Variants in NCBP3 observed in about 807,000 individuals in gnomAD.
NCBP3 encodes the protein nuclear cap binding subunit 3.
NCBP3 carries 20 observed loss-of-function variants against 75.7 expected under a neutral mutation model. That is an observed-to-expected ratio of 0.26 (90% CI 0.19 to 0.38). The LOEUF is 0.38. Ranked by LOEUF, NCBP3 falls within the 10% of genes least tolerant of loss-of-function variation. The pLI is 1.00. For missense variants in NCBP3, 678 were observed against 796.9 expected (o/e 0.85, Z 1.80); for synonymous variants, 293 against 290.5 (o/e 1.01, Z -0.09).
rs1459558063 is a variant in NCBP3 at position 3,830,998 on chromosome 17, G to A, written c.356-1630C>T. Among the ~76,000 whole-genome samples the A allele has an allele frequency of 3.3e-5, 5 of 149,498 alleles. No homozygotes were observed. The Admixed American group carries it at 3.4e-4, about 10-fold the overall frequency. On this transcript the variant is annotated intron_variant, in intron 3 of 12. Coordinates refer to ENST00000389005, the MANE Select transcript of NCBP3 (RefSeq NM_001114118.3). ...GCAATCTCGGCTCACTGCAACCTCT[G>A]CCTCCCAGGTTCAAGCTATTCTCCC... is the stretch of plus-strand genomic sequence containing the variant.
intron 12 of NCBP3, among the ~76,000 whole-genome samples, chr17:3,813,499 G>A (rs956366700): frequency 4.6e-5 from 7 of 152,252 alleles, no homozygotes; most frequent in African/African-American, 1.4e-4. Context: ...GATTCTCACC[G>A]TGGGGGGACA....
At chr17:3,813,309 G>A (rs767136058) in intron 12 of NCBP3, 30 bp from the exon 13 acceptor site, 15 of 1,610,848 alleles carry the variant, frequency 9.3e-6, no homozygotes, top group East Asian at 6.7e-5. Context: ...TTTCACTTTC[G>A]CAGTCAGCGC....
chr17:3,827,920 GT>G (rs1036031638), intron 4 of NCBP3, among the ~76,000 whole-genome samples: 25 of 151,984 alleles, frequency 1.6e-4, no homozygotes, highest in African/African-American at 5.6e-4. Context: ...TTTTGTTTTT[GT>G]TTTTTCTTTC....
Position 3,805,354 on chromosome 17 carries a change from T to G in NCBP3, c.*7690A>C, listed in dbSNP as rs2053325631. On this transcript the variant is annotated 3_prime_UTR_variant, in exon 13 of 13. Coordinates refer to ENST00000389005, the MANE Select transcript of NCBP3 (RefSeq NM_001114118.3). ...TGACCAGGTGCTGTGGACTGAACTG[T>G]AAATGTCCTCCAAATTCATATGTTG... 1 of 152,232 alleles carries G rather than the reference T, an allele frequency of 6.6e-6. No homozygotes were observed. The highest frequency in any genetic ancestry group is 1.5e-5 in the Non-Finnish European group (1 of 68,052). The allele number at this position is 152,232 out of a possible 1,614,324, so 9.4% of individuals were successfully genotyped here.
At chr17:3,837,994 T>TAAAA (rs1567594876) in intron 3 of NCBP3, among the ~76,000 whole-genome samples, 1 of 150,608 alleles carries the variant, frequency 6.6e-6, no homozygotes, top group African/African-American at 2.5e-5. Context: ...AAAAAAAAAT[T>TAAAA]TTTTTAAATT....
intron 7 of NCBP3, chr17:3,822,822 C>T (rs146180306): frequency 6.6e-6 from 1 of 152,208 alleles, no homozygotes. Flanking sequence ...AACCCCCGAA[C>T]CCCTCAAACC....
Position 3,826,778 on chromosome 17 carries a change from C to T in NCBP3, c.482-563G>A, listed in dbSNP as rs189600781. On this transcript the variant is annotated intron_variant, in intron 4 of 12. Coordinates refer to ENST00000389005, the MANE Select transcript of NCBP3 (RefSeq NM_001114118.3). Reference sequence around the variant, plus strand: ...GAGAGAGAGAAAGCACTTTGGGAGGCCGAGCCAGGCGGATCACGAGGTCAG... The same window carrying T: ...GAGAGAGAGAAAGCACTTTGGGAGGTCGAGCCAGGCGGATCACGAGGTCAG... Among the ~76,000 whole-genome samples, 118 of 151,362 alleles carry T rather than the reference C, an allele frequency of 7.8e-4. 1 individual carries two copies. Among genetic ancestry groups the T allele is most frequent in the Non-Finnish European group, 1.2e-3 (83 of 67,894 alleles).
Position 3,825,748 on chromosome 17 carries a change from T to C in NCBP3, c.687+19A>G. The stretch of plus-strand genomic sequence containing the variant: ...ATTTTTTACAATAACTTTACATCTA[T>C]CTTTCCCCTATTACTAACCTCTACA... On this transcript the variant is annotated intron_variant, in intron 6 of 12. Coordinates refer to ENST00000389005, the MANE Select transcript of NCBP3 (RefSeq NM_001114118.3). 6.6e-7 allele frequency: 1 copy of C among 1,519,342 alleles called. No individual in the cohort carries two copies. Among genetic ancestry groups the C allele is most frequent in the Non-Finnish European group, 8.9e-7 (1 of 1,119,756 alleles). 94.1% of individuals were successfully genotyped at this position (1,519,342 alleles called of 1,614,324 possible).
At chr17:3,825,101 T>C in intron 6 of NCBP3, 51 bp from the exon 7 acceptor site, 1 of 1,027,376 alleles carries the variant, frequency 9.7e-7, no homozygotes, top group Admixed American at 2.5e-5. Context: ...CTTTTGATAT[T>C]TCTTCAGTAG....
rs1491123193 is a variant in NCBP3 at position 3,806,719 on chromosome 17, A to AAG, written c.*6324_*6325insCT. On this transcript the variant is annotated 3_prime_UTR_variant, in exon 13 of 13. Coordinates refer to ENST00000389005, the MANE Select transcript of NCBP3 (RefSeq NM_001114118.3). The stretch of plus-strand genomic sequence containing the variant: ...GTGAAATGTTCATAGAGCTTCATTG[A>AAG]AAAAAAAAAAAAAAAAAAAGCTACA... 2 of 97,306 alleles carry AAG rather than the reference A, an allele frequency of 2.1e-5. No homozygotes were observed. Among genetic ancestry groups the AAG allele is most frequent in the South Asian group, 2.9e-4 (1 of 3,440 alleles). The allele number at this position is 97,306 out of a possible 1,614,324, so 6.0% of individuals were successfully genotyped here.
At chr17:3,821,454 A>C in intron 8 of NCBP3, 102 bp from the exon 9 acceptor site, 4 of 889,990 alleles carry the variant, frequency 4.5e-6, no homozygotes, top group Non-Finnish European at 7.0e-6. Flanking sequence ...ATGGAGTCTC[A>C]ATCTCTCTCC....
chr17:3,839,344 T>C (rs934100817), intron 3 of NCBP3, among the ~76,000 whole-genome samples: 2 of 152,088 alleles, frequency 1.3e-5, no homozygotes, highest in African/African-American at 4.8e-5. Context: ...AGATTATCAA[T>C]AGATTCAGAA....
chr17:3,838,189 G>A (rs778945986), intron 3 of NCBP3, among the ~76,000 whole-genome samples: 4 of 152,220 alleles, frequency 2.6e-5, no homozygotes, highest in South Asian at 2.1e-4. Context: ...TCAAGTGGGT[G>A]AGCAGAGATG....
At chr17:3,825,989 A>T in intron 5 of NCBP3, 98 bp downstream of exon 5, 1 of 1,465,966 alleles carries the variant, frequency 6.8e-7, no homozygotes. Flanking sequence ...TAGTTCAGAA[A>T]CACTTGGTGA....
At position 3,816,232 on chromosome 17, in the gene NCBP3, A is replaced by G; in HGVS notation, c.1349T>C (p.Ile450Thr). 1 of 1,614,096 alleles carries G rather than the reference A, an allele frequency of 6.2e-7. No homozygotes were observed. Among genetic ancestry groups the G allele is most frequent in the Non-Finnish European group, 8.5e-7 (1 of 1,180,006 alleles). Residue 450 changes from isoleucine to threonine, a missense_variant, in exon 11 of 13, where the codon ATC becomes ACC. Ile to Thr is a moderately conservative substitution (Grantham distance 89, BLOSUM62 -1). Transcript: ENST00000389005. ...MRADSVSSSN[I>T]KNRIGNKLPP... is the part of the protein sequence containing the mutation. Reference sequence around the variant, plus strand: ...TAATTTGTTACCAATTCGGTTTTTGATATTGCTTGAAGATACACTATCTGC... The same window carrying G: ...TAATTTGTTACCAATTCGGTTTTTGGTATTGCTTGAAGATACACTATCTGC...
At chr17:3,838,031 TTAAGG>T (rs1210335569) in intron 3 of NCBP3, among the ~76,000 whole-genome samples, 3 of 152,106 alleles carry the variant, frequency 2.0e-5, no homozygotes, top group South Asian at 2.1e-4. Context: ...AGTGATCCTA[TTAAGG>T]TAAGTATCAT....
In NCBP3 at chr17:3,818,119, G is replaced by A. The variant is rs2053582585; in HGVS notation, c.1310+144C>T. 2.9e-6 allele frequency: 2 copies of A among 685,824 alleles called. No individual in the cohort carries two copies. The highest frequency in any genetic ancestry group is 4.6e-6 in the Non-Finnish European group (2 of 436,422). 42.5% of individuals were successfully genotyped at this position (685,824 alleles called of 1,614,324 possible). A position where few individuals can be genotyped will look rare whatever the true frequency, so the allele number is the denominator to read the frequency against. Reference sequence around the variant, plus strand: ...AACAAGAATCACTGCTTGTATAGAGGAAATACTGGATGCGTTTATTAAACT... The same window carrying A: ...AACAAGAATCACTGCTTGTATAGAGAAAATACTGGATGCGTTTATTAAACT... On this transcript the variant is annotated intron_variant, in intron 10 of 12. Transcript: ENST00000389005. The surrounding 1 kb of genome is among the most constrained non-coding windows in gnomAD (Gnocchi z 4.7).
rs540604695 is a variant in NCBP3, at chr17:3,832,405, G to A, written c.356-3037C>T. 2.1e-3 allele frequency among the ~76,000 whole-genome samples: 249 copies of A among 118,856 alleles called. 31 individuals carry two copies. Among genetic ancestry groups the A allele is most frequent in the African/African-American group, 5.0e-3 (196 of 39,012 alleles). The allele number at this position is 118,856 out of a possible 152,430, so 78.0% of individuals were successfully genotyped here. ...TCCCAGCACTTTGGGAGGCCGGGGC[G>A]GGCAGATCACAAGGTCAGATCGAGA... On this transcript the variant is annotated intron_variant, in intron 3 of 12. Coordinates refer to ENST00000389005, the MANE Select transcript of NCBP3 (RefSeq NM_001114118.3).
At position 3,816,160 on chromosome 17, in the gene NCBP3, C is replaced by A; in HGVS notation, c.1421G>T (p.Arg474Leu). 1.2e-6 allele frequency: 2 copies of A among 1,614,124 alleles called. No individual in the cohort carries two copies. Among genetic ancestry groups the A allele is most frequent in the Non-Finnish European group, 1.7e-6 (2 of 1,180,018 alleles). Reference protein sequence around the residue: ...ADVRHLLDEKRQHSRPRPPVS... With the variant: ...ADVRHLLDEKLQHSRPRPPVS... ...TGGTGGCCGTGGACGGGAGTGCTGACGTTTCTCATCTAATAGATGTCGGAC... is the reference window on the plus strand; with the variant it reads ...TGGTGGCCGTGGACGGGAGTGCTGAAGTTTCTCATCTAATAGATGTCGGAC... The change falls in exon 11 of 13, where the codon CGT (arginine) becomes CTT (leucine). Residue 474 changes from arginine to leucine, a missense_variant. Coordinates refer to ENST00000389005, the MANE Select transcript of NCBP3 (RefSeq NM_001114118.3).
Sources: allele counts gnomAD v4.1 joint callset (sites outside exome capture counted in the v4.1 genomes callset), GRCh38; gene constraint gnomAD v4.1.1; non-coding constraint Gnocchi (gnomAD v3.1); transcripts MANE v1.5; gene names NCBI Gene and HGNC (gene_info 2026-07-23, HGNC 2026-07-21).